ATR: variants seen among roughly 807,000 people sequenced by gnomAD.
The protein encoded by ATR is ATR checkpoint kinase, also known as serine/threonine-protein kinase ATR.
Under a neutral mutation model 305.3 loss-of-function variants are expected in ATR, and 142 were observed. The observed-to-expected ratio is 0.47, with a 90% CI of 0.41 to 0.53. The LOEUF (loss-of-function observed/expected upper bound fraction) is 0.53. Ranked by LOEUF, ATR falls within the 20% of genes least tolerant of loss-of-function variation. The pLI, the probability that ATR is intolerant of heterozygous loss-of-function variation, is 0.00. For missense variants in ATR, 2,135 were observed against 3,133.1 expected (o/e 0.68, Z 7.60); for synonymous variants, 1,050 against 1,068.1 (o/e 0.98, Z 0.33).
At chr3:142,454,162 C>T (rs1331049265) in intron 45 of ATR, among the ~76,000 whole-genome samples, 1 of 152,164 alleles carries the variant, frequency 6.6e-6, no homozygotes, top group Non-Finnish European at 1.5e-5. Context: ...TGGAAGTATA[C>T]CCTCTGGAAT....
intron 21 of ATR, among the ~76,000 whole-genome samples, chr3:142,525,670 T>A (rs988561653): frequency 2.0e-5 from 3 of 152,218 alleles, no homozygotes; most frequent in African/African-American, 4.8e-5. Context: ...ATCCCTGTGA[T>A]AATAAGTGAG....
intron 38 of ATR, among the ~76,000 whole-genome samples, chr3:142,468,546 C>T (rs2071183885): frequency 6.6e-6 from 1 of 151,948 alleles, no homozygotes; most frequent in Non-Finnish European, 1.5e-5. Flanking sequence ...AAAATTACAT[C>T]AAAACATTAA....
At chr3:142,524,224 T>G (rs1412833912) in intron 21 of ATR, 25 bp from the exon 22 acceptor site, 10 of 1,566,868 alleles carry the variant, frequency 6.4e-6, no homozygotes, top group Non-Finnish European at 8.8e-6. Flanking sequence ...GAAAGAAAAT[T>G]TATACGTAAT....
chr3:142,478,679 T>G (rs2030125811), intron 36 of ATR, among the ~76,000 whole-genome samples: 1 of 152,194 alleles, frequency 6.6e-6, no homozygotes, highest in African/African-American at 2.4e-5. Flanking sequence ...TGTCTAATGT[T>G]GACAGTGGGG....
intron 25 of ATR, among the ~76,000 whole-genome samples, chr3:142,513,890 A>G (rs1157015263): frequency 6.6e-6 from 1 of 151,782 alleles, no homozygotes; most frequent in African/African-American, 2.4e-5. Flanking sequence ...CCAAAAAACA[A>G]AAAAAAACCC....
intron 36 of ATR, among the ~76,000 whole-genome samples, chr3:142,483,010 CT>C (rs1227169409): frequency 2.2e-3 from 206 of 92,214 alleles, no homozygotes; most frequent in Middle Eastern, 0.01. Context: ...TTCTTTCTTT[CT>C]TTTTTTTTTT....
intron 40 of ATR, 90 bp downstream of exon 40, chr3:142,466,234 C>T (rs775722831): frequency 5.9e-6 from 8 of 1,349,650 alleles, no homozygotes; most frequent in African/African-American, 2.9e-5. Flanking sequence ...ATAAGATTCA[C>T]GTAGATTTTG....
At chr3:142,566,891 G>C (rs1257599482) in intron 2 of ATR, among the ~76,000 whole-genome samples, 2 of 151,880 alleles carry the variant, frequency 1.3e-5, no homozygotes, top group East Asian at 3.9e-4. Context: ...CTACAGGTGT[G>C]TGCCACCACA....
intron 46 of ATR, chr3:142,451,384 G>T (rs960557221): frequency 9.8e-6 from 14 of 1,424,252 alleles, no homozygotes; most frequent in African/African-American, 2.9e-5. Context: ...CATAACATGG[G>T]TATTGTAAAC....
chr3:142,469,164 A>G (rs761035108), intron 38 of ATR, among the ~76,000 whole-genome samples, 173 bp downstream of exon 38: 1 of 152,214 alleles, frequency 6.6e-6, no homozygotes, highest in African/African-American at 2.4e-5. Flanking sequence ...AAATATATCC[A>G]AATATTAAGA....
chr3:142,464,181 A>G (rs1379896552), intron 41 of ATR, among the ~76,000 whole-genome samples: 2 of 152,164 alleles, frequency 1.3e-5, no homozygotes. Context: ...GCTAGAGTGC[A>G]GTGGCATGAT....
chr3:142,493,289 A>AT lies in ATR; in HGVS notation c.5920dup (p.Ile1974AsnfsTer8). 1 of 1,613,716 alleles carries AT rather than the reference A, an allele frequency of 6.2e-7. No individual in the cohort carries two copies. Among genetic ancestry groups the AT allele is most frequent in the Non-Finnish European group, 8.5e-7 (1 of 1,179,820 alleles). On this transcript the variant is annotated frameshift_variant, in exon 35 of 47. Coordinates refer to ENST00000350721, the MANE Select transcript of ATR (RefSeq NM_001184.4). LOFTEE classifies it high-confidence loss of function. ...TAATTCAACACCTTTTTGAAGAACA[A>AT]TTAGTGCCTGGTGAACATCACCCTA...
Position 142,562,270 on chromosome 3 carries a change from C to G in ATR, c.1132G>C (p.Ala378Pro). 1 of 1,614,080 alleles carries G rather than the reference C, an allele frequency of 6.2e-7. No individual in the cohort carries two copies. Among genetic ancestry groups the G allele is most frequent in the South Asian group, 1.1e-5 (1 of 91,080 alleles). Residue 378 changes from alanine (A) to proline (P), a missense_variant, in exon 4 of 47, where the codon GCT becomes CCT. Coordinates refer to ENST00000350721, the MANE Select transcript of ATR (RefSeq NM_001184.4). ...TCAATTCCAAGCACATCCAAAAGAG[C>G]TTTACAAATATTTCTCACATAGACC... ...RKVYVRNICKALLDVLGIEVD... is the reference protein window; with the variant it reads ...RKVYVRNICKPLLDVLGIEVD...
intron 39 of ATR, 93 bp from the exon 40 acceptor site, chr3:142,466,626 T>A: frequency 8.2e-7 from 1 of 1,212,734 alleles, no homozygotes; most frequent in Non-Finnish European, 1.2e-6. Flanking sequence ...TTACAAAGGT[T>A]CAGCAGTCTG....
chr3:142,542,608 A>G, intron 17 of ATR, 57 bp downstream of exon 17: 1 of 1,424,784 alleles, frequency 7.0e-7, no homozygotes, highest in Non-Finnish European at 9.9e-7. Context: ...TAGATGCAGA[A>G]TTTATCTATA....
Position 142,477,523 on chromosome 3 carries a change from T to C in ATR, c.6222-7340A>G, listed in dbSNP as rs529115016. On this transcript the variant is annotated intron_variant, in intron 36 of 46. Coordinates refer to ENST00000350721, the MANE Select transcript of ATR (RefSeq NM_001184.4). ...ATTTTATTGAGGATTTTTGCATCAA[T>C]GTTCATCAGGGATATTGGTTTAAAA... is the stretch of plus-strand genomic sequence containing the variant. Among the ~76,000 whole-genome samples, 5 of 152,356 alleles carry C rather than the reference T, an allele frequency of 3.3e-5. No individual in the cohort carries two copies. The South Asian group carries it at 8.3e-4, about 25-fold the overall frequency.
intron 35 of ATR, among the ~76,000 whole-genome samples, chr3:142,489,164 C>T (rs1441587554): frequency 1.3e-5 from 2 of 151,946 alleles, no homozygotes; most frequent in South Asian, 2.1e-4. Flanking sequence ...CAGCAAGACC[C>T]TATCTCCACA....
chr3:142,517,499 A>ATT (rs1227800497), intron 24 of ATR, among the ~76,000 whole-genome samples: 1 of 152,152 alleles, frequency 6.6e-6, no homozygotes, highest in African/African-American at 2.4e-5. Flanking sequence ...CTAACCTGGT[A>ATT]TTTTAGTTTT....
intron 16 of ATR, among the ~76,000 whole-genome samples, chr3:142,543,926 C>G (rs2034161583): frequency 6.6e-6 from 1 of 152,072 alleles, no homozygotes; most frequent in South Asian, 2.1e-4. Context: ...CTGCTTTGGC[C>G]TCTCAGAGTG....
Sources: allele counts gnomAD v4.1 joint callset (sites outside exome capture counted in the v4.1 genomes callset), GRCh38; gene constraint gnomAD v4.1.1; transcripts MANE v1.5; gene names NCBI Gene and HGNC (gene_info 2026-07-23, HGNC 2026-07-21).